Variants in PDZRN4 observed in about 807,000 individuals in gnomAD.
PDZRN4 encodes the protein PDZ domain containing ring finger 4.
A neutral mutation model predicts 99.0 loss-of-function variants in PDZRN4; 70 were observed. The observed-to-expected ratio is 0.71, with a 90% CI of 0.58 to 0.86. The LOEUF is 0.86. Ranked by LOEUF, PDZRN4 falls within the 40% of genes least tolerant of loss-of-function variation. PDZRN4 has a pLI of 0.00. For missense variants in PDZRN4, 1,474 were observed against 1,331.2 expected (o/e 1.11, Z -1.67); for synonymous variants, 551 against 501.6 (o/e 1.10, Z -1.32).
chr12:41,500,444 A>G (rs1002971401), intron 3 of PDZRN4, among the ~76,000 whole-genome samples: 1 of 152,096 alleles, frequency 6.6e-6, no homozygotes, highest in African/African-American at 2.4e-5. Context: ...ATCCAATTAT[A>G]GCACTGTCCA....
intron 3 of PDZRN4, among the ~76,000 whole-genome samples, chr12:41,283,109 A>G (rs1486737668): frequency 6.6e-6 from 1 of 152,160 alleles, no homozygotes; most frequent in Non-Finnish European, 1.5e-5. Flanking sequence ...AAAGATTAAC[A>G]GAATTAGCCA....
Position 41,391,709 on chromosome 12 carries a change from C to A in PDZRN4, c.844-114747C>A, listed in dbSNP as rs139189084. On this transcript the variant is annotated intron_variant, in intron 3 of 9. Coordinates refer to ENST00000402685, the MANE Select transcript of PDZRN4 (RefSeq NM_001164595.2). ...CCTCCCCCAATCACTAGTTTATATCCTTTAGCACTGTAAATTTCTTTTTTC... is the reference window on the plus strand; with the variant it reads ...CCTCCCCCAATCACTAGTTTATATCATTTAGCACTGTAAATTTCTTTTTTC... Among the ~76,000 whole-genome samples, 3 of 152,264 alleles carry A rather than the reference C, an allele frequency of 2.0e-5. No homozygotes were observed. In the East Asian group the frequency reaches 5.8e-4, roughly 29 times the overall value.
intron 3 of PDZRN4, among the ~76,000 whole-genome samples, chr12:41,414,409 C>T (rs1478436623): frequency 1.3e-5 from 2 of 152,062 alleles, no homozygotes; most frequent in Non-Finnish European, 2.9e-5. Flanking sequence ...ATATGTCTTC[C>T]AGGCTGTTTA....
chr12:41,189,667 G>T (rs575664423), intron 1 of PDZRN4, among the ~76,000 whole-genome samples: 2 of 152,162 alleles, frequency 1.3e-5, no homozygotes, highest in African/African-American at 4.8e-5. Flanking sequence ...GTTGGGGCCA[G>T]GACAGCCTCA....
At chr12:41,545,871 C>G (rs538926756) in intron 5 of PDZRN4, among the ~76,000 whole-genome samples, 69 of 151,870 alleles carry the variant, frequency 4.5e-4, no homozygotes, top group African/African-American at 1.6e-3. Flanking sequence ...GGCATGGTAG[C>G]AGAACTGCAG....
At chr12:41,570,186 T>C (rs1449336553) in intron 9 of PDZRN4, among the ~76,000 whole-genome samples, 1 of 152,200 alleles carries the variant, frequency 6.6e-6, no homozygotes, top group Non-Finnish European at 1.5e-5. Flanking sequence ...GGAATTTTTT[T>C]CTTCACCATG....
intron 3 of PDZRN4, among the ~76,000 whole-genome samples, chr12:41,399,074 A>C (rs865829055): frequency 2.6e-5 from 4 of 152,140 alleles, no homozygotes; most frequent in Admixed American, 6.6e-5. Flanking sequence ...TAGCTAAAAA[A>C]CAGAAAACTA....
At chr12:41,522,406 GC>G (rs1406924617) in intron 5 of PDZRN4, among the ~76,000 whole-genome samples, 1 of 152,054 alleles carries the variant, frequency 6.6e-6, no homozygotes, top group African/African-American at 2.4e-5. Flanking sequence ...CAAATGATGA[GC>G]TTTTAGATTT....
intron 5 of PDZRN4, among the ~76,000 whole-genome samples, chr12:41,511,403 A>G (rs1161466885): frequency 2.0e-5 from 3 of 152,006 alleles, no homozygotes; most frequent in Admixed American, 1.3e-4. Context: ...CATCAGGATG[A>G]TGTCAGTGGT....
At chr12:41,273,857 G>A (rs548537946) in intron 3 of PDZRN4, among the ~76,000 whole-genome samples, 16 of 152,022 alleles carry the variant, frequency 1.1e-4, no homozygotes, top group Non-Finnish European at 1.9e-4. Context: ...GGCAGCAGAT[G>A]CCAAAGAACT....
rs74809334 is a variant in PDZRN4 at position 41,560,676 on chromosome 12, C to T, written c.1366-2872C>T. 3.6e-3 allele frequency among the ~76,000 whole-genome samples: 549 copies of T among 152,244 alleles called. 17 individuals carry two copies. The East Asian group carries it at 0.093, about 26-fold the overall frequency. ...ACTTCCATGTCTGCCTGGTATTTTC[C>T]TGGCACAGCAGGCTGCATTCCCACA... is the stretch of plus-strand genomic sequence containing the variant. On this transcript the variant is annotated intron_variant, in intron 7 of 9. Coordinates refer to ENST00000402685, the MANE Select transcript of PDZRN4 (RefSeq NM_001164595.2).
chr12:41,474,395 C>T (rs1953020878), intron 3 of PDZRN4, among the ~76,000 whole-genome samples: 1 of 152,154 alleles, frequency 6.6e-6, no homozygotes, highest in African/African-American at 2.4e-5. Context: ...AAGCACTTGG[C>T]AAAAATGAAT....
intron 5 of PDZRN4, among the ~76,000 whole-genome samples, chr12:41,521,590 G>A (rs886316193): frequency 6.6e-6 from 1 of 152,108 alleles, no homozygotes; most frequent in Non-Finnish European, 1.5e-5. Flanking sequence ...GAACCATAAG[G>A]AGGCTATAGA....
intron 3 of PDZRN4, among the ~76,000 whole-genome samples, chr12:41,261,720 A>G (rs1201513781): frequency 1.3e-5 from 2 of 152,092 alleles, no homozygotes; most frequent in African/African-American, 4.8e-5. Context: ...CGATCTCCTG[A>G]CCTCGTGATC....
chr12:41,298,025 A>T (rs1951507281), intron 3 of PDZRN4, among the ~76,000 whole-genome samples: 1 of 152,150 alleles, frequency 6.6e-6, no homozygotes, highest in East Asian at 1.9e-4. Context: ...CTGTTTTTCC[A>T]TTATCCCTTT....
chr12:41,188,611 C>A lies in PDZRN4; in HGVS notation c.156C>A (p.Cys52Ter). 6.5e-7 allele frequency: 1 copy of A among 1,539,402 alleles called. No individual in the cohort carries two copies. The highest frequency in any genetic ancestry group is 8.7e-7 in the Non-Finnish European group (1 of 1,149,342). Residue 52 changes from cysteine (C) to a stop codon, truncating the protein, a stop_gained, in exon 1 of 10, where the codon TGC becomes TGA. Transcript: ENST00000402685. LOFTEE classifies it high-confidence loss of function. The stretch of plus-strand genomic sequence containing the variant: ...CCTGGGCGGTGCGGAGGCGCCGGTG[C>A]CCGCTGCAGTGCCAGCCCTTGGCGC... ...LLPWAVRRRR[C>*]PLQCQPLAPG...
intron 3 of PDZRN4, among the ~76,000 whole-genome samples, chr12:41,304,100 G>A (rs983594064): frequency 5.3e-5 from 8 of 152,156 alleles, no homozygotes; most frequent in Non-Finnish European, 1.2e-4. Flanking sequence ...GGATATATGG[G>A]AATTTGCTGG....
Position 41,458,876 on chromosome 12 carries a change from G to T in PDZRN4, c.844-47580G>T, listed in dbSNP as rs550291377. 6.4e-4 allele frequency among the ~76,000 whole-genome samples: 98 copies of T among 152,284 alleles called. 2 individuals are homozygous for T. Among genetic ancestry groups the T allele is most frequent in the African/African-American group, 2.3e-3 (97 of 41,570 alleles). The stretch of plus-strand genomic sequence containing the variant: ...GTTTGGTGACTGATTTCCATGAGGG[G>T]GTTAGGGAGAGAAAGAAGTCACAGA... On this transcript the variant is annotated intron_variant, in intron 3 of 9. Coordinates refer to ENST00000402685, the MANE Select transcript of PDZRN4 (RefSeq NM_001164595.2).
chr12:41,486,950 C>T (rs932499910), intron 3 of PDZRN4, among the ~76,000 whole-genome samples: 7 of 152,044 alleles, frequency 4.6e-5, no homozygotes, highest in African/African-American at 1.4e-4. Context: ...CATTCCTTAC[C>T]TCTTAATTAA....
Sources: gnomAD v4.1 joint callset for allele counts (sites outside exome capture counted in the v4.1 genomes callset) on GRCh38, gnomAD v4.1.1 for gene constraint, MANE v1.5 for transcripts, NCBI Gene and HGNC (gene_info 2026-07-23, HGNC 2026-07-21) for gene names.